Variants in PTPRZ1 observed in about 807,000 individuals in gnomAD.
The protein encoded by PTPRZ1 is protein tyrosine phosphatase receptor type Z1.
In PTPRZ1, 82 loss-of-function variants were observed where a neutral mutation model predicts 214.1. That is an observed-to-expected ratio of 0.38 (90% CI 0.32 to 0.46). The LOEUF is 0.46. Ranked by LOEUF, PTPRZ1 falls within the 20% of genes least tolerant of loss-of-function variation. PTPRZ1 has a pLI of 1.00. For synonymous variants in PTPRZ1, 945 were observed against 987.9 expected, an observed-to-expected ratio of 0.96 and a Z score of 0.81; for missense variants, 2,603 against 2,748.7, an observed-to-expected ratio of 0.95 and a Z score of 1.19.
chr7:121,883,975 C>A (rs1279559013), intron 1 of PTPRZ1, among the ~76,000 whole-genome samples: 4 of 152,112 alleles, frequency 2.6e-5, no homozygotes, highest in African/African-American at 9.7e-5. Context: ...TACTCTATGT[C>A]TCTTAAGATA....
intron 29 of PTPRZ1, 47 bp from the exon 30 acceptor site, chr7:122,061,033 T>A (rs1256758583): frequency 2.6e-6 from 4 of 1,519,528 alleles, no homozygotes; most frequent in South Asian, 2.4e-5. Context: ...CAAATGTATG[T>A]CTTCACTGAG....
At chr7:121,922,669 T>A (rs879386552) in intron 1 of PTPRZ1, among the ~76,000 whole-genome samples, 3 of 152,228 alleles carry the variant, frequency 2.0e-5, no homozygotes, top group Non-Finnish European at 4.4e-5. Flanking sequence ...CAGATGATTG[T>A]GACTGCTGTC....
chr7:121,958,795 T>G (rs765944239), intron 2 of PTPRZ1, among the ~76,000 whole-genome samples: 16 of 152,124 alleles, frequency 1.1e-4, no homozygotes, highest in Admixed American at 3.3e-4. Context: ...TCTGGAACAT[T>G]CCTAACCTTC....
rs201151403 is a variant in PTPRZ1 at position 121,997,454 on chromosome 7, TGAA to T, written c.1114-420_1114-418del. Among the ~76,000 whole-genome samples, 1,492 of 152,264 alleles carry T rather than the reference TGAA, an allele frequency of 9.8e-3. 13 individuals carry two copies. Among genetic ancestry groups the T allele is most frequent in the Middle Eastern group, 0.027 (8 of 294 alleles). Reference sequence around the variant, plus strand: ...TAAAAATGTTTATTTCATAATTACGTGAAGAAGATAATTCTATTACTGTTCTTG... The same window carrying T: ...TAAAAATGTTTATTTCATAATTACGTGAAGATAATTCTATTACTGTTCTTG... On this transcript the variant is annotated intron_variant, in intron 9 of 29. Coordinates refer to ENST00000393386, the MANE Select transcript of PTPRZ1 (RefSeq NM_002851.3).
intron 10 of PTPRZ1, among the ~76,000 whole-genome samples, 178 bp downstream of exon 10, chr7:121,998,184 C>A (rs1319104153): frequency 6.6e-6 from 1 of 152,098 alleles, no homozygotes; most frequent in African/African-American, 2.4e-5. Flanking sequence ...TTCAGCAGGT[C>A]TGGTGCCAGA....
In PTPRZ1 at chr7:121,983,726, G is replaced by A. The variant is rs900184731; in HGVS notation, c.681G>A (p.Lys227=). 1.2e-6 allele frequency: 2 copies of A among 1,613,600 alleles called. No individual in the cohort carries two copies. The highest frequency in any genetic ancestry group is 1.1e-5 in the South Asian group (1 of 91,072). ...LLNLLPNSTD[K]YYIYNGSLTS... ...ACCTTCTGCCAAACTCAACTGACAAGTATTACATTTACAATGGCTCATTGA... is the reference window on the plus strand; with the variant it reads ...ACCTTCTGCCAAACTCAACTGACAAATATTACATTTACAATGGCTCATTGA... The change falls in exon 7 of 30, where the codon AAG becomes AAA. Residue 227 remains lysine, a synonymous_variant. Transcript: ENST00000393386.
At chr7:121,934,066 A>G (rs1203107721) in intron 2 of PTPRZ1, among the ~76,000 whole-genome samples, 1 of 152,150 alleles carries the variant, frequency 6.6e-6, no homozygotes, top group Non-Finnish European at 1.5e-5. Flanking sequence ...TACCCTGTTG[A>G]CCATGGTTAC....
intron 18 of PTPRZ1, 24 bp downstream of exon 18, chr7:122,036,706 T>G (rs79955278): frequency 0.016 from 23,349 of 1,497,646 alleles, 211 homozygotes; most frequent in Non-Finnish European, 0.018. Flanking sequence ...AATTGAAAAT[T>G]TTATAGAAAT....
chr7:121,979,605 T>G (rs1797541630), intron 6 of PTPRZ1, among the ~76,000 whole-genome samples: 1 of 152,216 alleles, frequency 6.6e-6, no homozygotes, highest in African/African-American at 2.4e-5. Flanking sequence ...TTCTTCATCT[T>G]TGTTCCTCCC....
intron 1 of PTPRZ1, among the ~76,000 whole-genome samples, chr7:121,916,359 T>G (rs536984706): frequency 1.4e-4 from 22 of 152,042 alleles, no homozygotes; most frequent in African/African-American, 4.8e-4. Flanking sequence ...TATCTCTAGG[T>G]GTCCCAGTGG....
chr7:122,052,504 C>T (rs931370006), intron 25 of PTPRZ1, among the ~76,000 whole-genome samples: 3 of 152,110 alleles, frequency 2.0e-5, no homozygotes, highest in African/African-American at 7.2e-5. Flanking sequence ...CTGATGAAAA[C>T]CTAATTCTTA....
At position 121,883,025 on chromosome 7, in the gene PTPRZ1, G is replaced by T. The variant is rs558065521; in HGVS notation, c.58+9468G>T. 2.0e-5 allele frequency among the ~76,000 whole-genome samples: 3 copies of T among 152,122 alleles called. No homozygotes were observed. The East Asian group carries it at 5.8e-4, about 29-fold the overall frequency. Reference sequence around the variant, plus strand: ...AAATATCCAGGAAGGAAAAGAGAAGGTAGCAAATACATACAAGTCCACAGA... The same window carrying T: ...AAATATCCAGGAAGGAAAAGAGAAGTTAGCAAATACATACAAGTCCACAGA... On this transcript the variant is annotated intron_variant, in intron 1 of 29. Coordinates refer to ENST00000393386, the MANE Select transcript of PTPRZ1 (RefSeq NM_002851.3).
At chr7:121,980,998 C>G (rs1797591554) in intron 6 of PTPRZ1, among the ~76,000 whole-genome samples, 1 of 152,096 alleles carries the variant, frequency 6.6e-6, no homozygotes, top group Non-Finnish European at 1.5e-5. Flanking sequence ...AAAAATTAGC[C>G]AGGCGTGGTG....
At chr7:121,905,044 G>A (rs189156790) in intron 1 of PTPRZ1, among the ~76,000 whole-genome samples, 10 of 152,062 alleles carry the variant, frequency 6.6e-5, no homozygotes, top group South Asian at 2.1e-4. Context: ...GTAGATTTAC[G>A]TCTGCTTTTA....
chr7:122,046,381 C>G (rs1791982048), intron 23 of PTPRZ1, among the ~76,000 whole-genome samples: 1 of 151,990 alleles, frequency 6.6e-6, no homozygotes, highest in Non-Finnish European at 1.5e-5. Context: ...GCACTCCAGT[C>G]TGGGAGATAG....
intron 1 of PTPRZ1, among the ~76,000 whole-genome samples, chr7:121,881,425 T>C (rs1445150078): frequency 1.3e-5 from 2 of 152,192 alleles, no homozygotes; most frequent in African/African-American, 4.8e-5. Context: ...TACTTCATAA[T>C]GTATGGGTGC....
chr7:121,889,907 C>T (rs1584605872), intron 1 of PTPRZ1, among the ~76,000 whole-genome samples: 1 of 152,266 alleles, frequency 6.6e-6, no homozygotes, highest in African/African-American at 2.4e-5. Context: ...ACCTGACTTC[C>T]GGGATGCCAT....
intron 13 of PTPRZ1, among the ~76,000 whole-genome samples, chr7:122,022,716 A>G (rs1234580349): frequency 1.3e-5 from 2 of 152,192 alleles, no homozygotes; most frequent in African/African-American, 4.8e-5. Context: ...CTTCAGTATC[A>G]TATCTAAGAA....
chr7:121,970,646 G>T (rs1797210611), intron 3 of PTPRZ1, among the ~76,000 whole-genome samples: 2 of 152,226 alleles, frequency 1.3e-5, no homozygotes, highest in South Asian at 4.1e-4. Context: ...TTTTGATGGG[G>T]TTGTTTGTTT....
Sources: gnomAD v4.1 joint callset for allele counts (sites outside exome capture counted in the v4.1 genomes callset) on GRCh38, gnomAD v4.1.1 for gene constraint, MANE v1.5 for transcripts, NCBI Gene and HGNC (gene_info 2026-07-23, HGNC 2026-07-21) for gene names.